Variants in ANKRD36 observed in about 807,000 individuals in gnomAD.
ANKRD36 encodes ankyrin repeat domain-containing protein 36A.
ANKRD36 carries 179 observed loss-of-function variants against 278.1 expected under a neutral mutation model. That is an observed-to-expected ratio of 0.64 (90% confidence interval 0.57 to 0.73). ANKRD36 has a LOEUF of 0.73. ANKRD36 is among the 30% of genes least tolerant of loss of function. ANKRD36 has a pLI of 0.00. For missense variants in ANKRD36, 1,159 were observed against 1,956.7 expected, an observed-to-expected ratio of 0.59 and a Z score of 7.69; for synonymous variants, 320 against 641.1, an observed-to-expected ratio of 0.50 and a Z score of 7.57.
chr2:97,184,129 A>G (rs1413206155), intron 28 of ANKRD36, among the ~76,000 whole-genome samples: 1 of 151,704 alleles, frequency 6.6e-6, no homozygotes, highest in Non-Finnish European at 1.5e-5. Context: ...TTGCAAGGCA[A>G]GAAAGAGGGG....
chr2:97,206,209 CG>C (rs1397864933), intron 52 of ANKRD36, 74 bp downstream of exon 52: 6 of 1,398,658 alleles, frequency 4.3e-6, no homozygotes, highest in African/African-American at 1.5e-5. Flanking sequence ...AGTAAATCAG[CG>C]GGGGGCTCAT....
At chr2:97,191,526 G>A (rs1171118582) in intron 36 of ANKRD36, among the ~76,000 whole-genome samples, 3 of 151,610 alleles carry the variant, frequency 2.0e-5, no homozygotes, top group Non-Finnish European at 4.4e-5. Flanking sequence ...TTTTACAAAC[G>A]TCACATCGTA....
At chr2:97,198,327 A>G in intron 42 of ANKRD36, 136 bp from the exon 43 acceptor site, 1 of 1,513,814 alleles carries the variant, frequency 6.6e-7, no homozygotes, top group Non-Finnish European at 8.9e-7. Flanking sequence ...TCTAGTCCCC[A>G]GACACAAAGT....
At chr2:97,167,317 G>A (rs2051034105) in intron 20 of ANKRD36, among the ~76,000 whole-genome samples, 1 of 152,220 alleles carries the variant, frequency 6.6e-6, no homozygotes, top group African/African-American at 2.4e-5. Context: ...AACTATTGTA[G>A]TATTATAGTA....
chr2:97,232,108 G>T (rs1384847233), intron 67 of ANKRD36, among the ~76,000 whole-genome samples: 1 of 151,936 alleles, frequency 6.6e-6, no homozygotes, highest in Non-Finnish European at 1.5e-5. Context: ...CCAGTGATTT[G>T]GGAGTAGGTA....
At chr2:97,220,775 AT>A (rs58512786) in intron 66 of ANKRD36, among the ~76,000 whole-genome samples, 6,619 of 60,626 alleles carry the variant, frequency 0.11, 253 homozygotes, top group African/African-American at 0.24. Flanking sequence ...TTTTTTTTTA[AT>A]TTTTTTTTTT....
chr2:97,198,376 CAG>C, intron 42 of ANKRD36, 85 bp from the exon 43 acceptor site: 1 of 1,545,580 alleles, frequency 6.5e-7, no homozygotes, highest in Admixed American at 2.0e-5. Flanking sequence ...GGCAGGAGGA[CAG>C]AGGTTGATGC....
intron 66 of ANKRD36, among the ~76,000 whole-genome samples, chr2:97,219,542 C>T (rs2153646136): frequency 6.6e-6 from 1 of 150,430 alleles, no homozygotes; most frequent in African/African-American, 2.4e-5. Flanking sequence ...AGTGCAATGG[C>T]TCAATTGTAA....
At chr2:97,126,667 A>G (rs1372790158) in intron 5 of ANKRD36, among the ~76,000 whole-genome samples, 3 of 151,962 alleles carry the variant, frequency 2.0e-5, no homozygotes, top group Non-Finnish European at 4.4e-5. Context: ...GTGAATGTTA[A>G]AAATGCTGCT....
chr2:97,194,472 C>T (rs1406378281), intron 38 of ANKRD36, among the ~76,000 whole-genome samples: 8 of 151,464 alleles, frequency 5.3e-5, no homozygotes, highest in Non-Finnish European at 1.0e-4. Flanking sequence ...GGGATTGACA[C>T]GGTTTTATTT....
At chr2:97,196,444 T>C (rs543029141) in intron 40 of ANKRD36, 149 bp from the exon 41 acceptor site, 51 of 1,447,634 alleles carry the variant, frequency 3.5e-5, no homozygotes, top group East Asian at 3.2e-4. Flanking sequence ...ATTTCTGTCA[T>C]GTTCTAGTCC....
intron 66 of ANKRD36, among the ~76,000 whole-genome samples, chr2:97,220,777 T>TTTTTTTTTTTTTTTTTTTTTTTAA (rs2067368758): frequency 1.1e-5 from 1 of 94,508 alleles, no homozygotes; most frequent in African/African-American, 8.6e-5. Flanking sequence ...TTTTTTTAAT[T>TTTTTTTTTTTTTTTTTTTTTTTAA]TTTTTTTTTT....
intron 22 of ANKRD36, among the ~76,000 whole-genome samples, chr2:97,179,017 A>G (rs1280562808): frequency 1.3e-5 from 2 of 151,566 alleles, no homozygotes; most frequent in African/African-American, 4.8e-5. Flanking sequence ...TATTTTGTAT[A>G]AGTATGTCAA....
chr2:97,207,789 A>G, intron 52 of ANKRD36, 22 bp from the exon 53 acceptor site: 1 of 1,545,344 alleles, frequency 6.5e-7, no homozygotes, highest in Non-Finnish European at 8.7e-7. Context: ...ATGAGTGATT[A>G]TGAATCCCTT....
chr2:97,157,334 C>G (rs2923993), intron 15 of ANKRD36, among the ~76,000 whole-genome samples: 3 of 151,330 alleles, frequency 2.0e-5, no homozygotes, highest in Admixed American at 6.6e-5. Context: ...CTTTTAAGCT[C>G]ATATTTGATT....
intron 40 of ANKRD36, 57 bp downstream of exon 40, chr2:97,194,974 C>T: frequency 1.3e-6 from 2 of 1,532,800 alleles, no homozygotes; most frequent in Non-Finnish European, 1.8e-6. Flanking sequence ...AGTTCTCTTC[C>T]CCGAATAAAT....
intron 6 of ANKRD36, among the ~76,000 whole-genome samples, chr2:97,136,277 C>T (rs1477598283): frequency 6.7e-6 from 1 of 150,280 alleles, no homozygotes; most frequent in Non-Finnish European, 1.5e-5. Context: ...TGGATGTTCC[C>T]AGAGGGTGAG....
chr2:97,183,309 T>C (rs1032045750), intron 26 of ANKRD36, 150 bp from the exon 27 acceptor site: 28 of 1,083,396 alleles, frequency 2.6e-5, no homozygotes, highest in Non-Finnish European at 3.6e-5. Flanking sequence ...TATTTCCTCA[T>C]GTTCCCGTCC....
At chr2:97,173,622 C>G in intron 22 of ANKRD36, among the ~76,000 whole-genome samples, 1 of 151,746 alleles carries the variant, frequency 6.6e-6, no homozygotes, top group East Asian at 1.9e-4. Context: ...GTCAAAGAAT[C>G]AAGTCCACCA....
Sources: allele counts gnomAD v4.1 joint callset (sites outside exome capture counted in the v4.1 genomes callset), GRCh38; gene constraint gnomAD v4.1.1; transcripts MANE v1.5; gene names NCBI Gene and HGNC (gene_info 2026-07-23, HGNC 2026-07-21).